Variants in MAP4 observed in about 807,000 individuals in gnomAD.
The protein encoded by MAP4 is microtubule associated protein 4, also known as microtubule-associated protein 4.
In MAP4, 76 loss-of-function variants were observed where a neutral mutation model predicts 170.2. That is an observed-to-expected ratio of 0.45 (90% CI 0.37 to 0.54). MAP4 has a LOEUF of 0.54. MAP4 is among the 20% of genes least tolerant of loss of function. The pLI, the probability that MAP4 is intolerant of heterozygous loss-of-function variation, is 0.00. For missense variants in MAP4, 2,506 were observed against 2,748.0 expected, an observed-to-expected ratio of 0.91 and a Z score of 1.97; for synonymous variants, 909 against 994.5, an observed-to-expected ratio of 0.91 and a Z score of 1.62.
intron 3 of MAP4, among the ~76,000 whole-genome samples, chr3:47,968,592 G>A (rs770696703): frequency 1.3e-5 from 2 of 152,030 alleles, no homozygotes; most frequent in Non-Finnish European, 2.9e-5. Flanking sequence ...TAAAACAGTG[G>A]TAAGAGGGAA....
intron 3 of MAP4, among the ~76,000 whole-genome samples, chr3:47,963,576 T>C (rs2100072989): frequency 6.6e-6 from 1 of 152,174 alleles, no homozygotes. Context: ...ATTATTACGA[T>C]TGTATCTGGT....
rs972533672 is a variant in MAP4 at position 48,075,269 on chromosome 3, A to G, written c.-20+13504T>C. Among the ~76,000 whole-genome samples, 5 of 152,176 alleles carry G rather than the reference A, an allele frequency of 3.3e-5. No individual in the cohort carries two copies. The South Asian group carries it at 8.3e-4, about 25-fold the overall frequency. On this transcript the variant is annotated intron_variant, in intron 1 of 18. Transcript: ENST00000360240. Reference sequence around the variant, plus strand: ...GCCGGGCACGGTGGCTCACACCTGTAATCCCAGAACTTTGGGAGGCCGAGT... The same window carrying G: ...GCCGGGCACGGTGGCTCACACCTGTGATCCCAGAACTTTGGGAGGCCGAGT...
intron 1 of MAP4, among the ~76,000 whole-genome samples, chr3:48,007,491 G>C (rs1162268768): frequency 6.6e-6 from 1 of 152,178 alleles, no homozygotes; most frequent in African/African-American, 2.4e-5. Context: ...AACAGGTCCA[G>C]GCTGCTGTGC....
intron 3 of MAP4, among the ~76,000 whole-genome samples, chr3:47,971,032 T>A (rs1311044405): frequency 3.9e-5 from 6 of 152,224 alleles, no homozygotes; most frequent in African/African-American, 1.4e-4. Flanking sequence ...ACATCTTGTA[T>A]ATGGGTATAT....
At chr3:47,964,807 T>C (rs1009938767) in intron 3 of MAP4, among the ~76,000 whole-genome samples, 4 of 152,248 alleles carry the variant, frequency 2.6e-5, no homozygotes, top group Non-Finnish European at 5.9e-5. Flanking sequence ...AGATCTGTGA[T>C]ATGATGGTTA....
At chr3:47,941,751 C>A (rs2100056607) in intron 3 of MAP4, among the ~76,000 whole-genome samples, 1 of 145,962 alleles carries the variant, frequency 6.9e-6, no homozygotes, top group Non-Finnish European at 1.5e-5. Flanking sequence ...CGTGCCATTG[C>A]ACTCCAGCCT....
chr3:47,935,875 G>A (rs192200856), intron 3 of MAP4, among the ~76,000 whole-genome samples: 58 of 147,234 alleles, frequency 3.9e-4, no homozygotes, highest in African/African-American at 1.5e-3. Flanking sequence ...GGAGGCAGAG[G>A]CTGCAGTGAG....
intron 1 of MAP4, among the ~76,000 whole-genome samples, chr3:48,045,852 C>A (rs113399457): frequency 1.2e-4 from 18 of 152,172 alleles, no homozygotes; most frequent in Non-Finnish European, 1.5e-5. Context: ...CAATAGACAT[C>A]TTTTCTATGC....
intron 1 of MAP4, among the ~76,000 whole-genome samples, chr3:48,007,468 G>A (rs1399290366): frequency 1.3e-5 from 2 of 152,308 alleles, no homozygotes; most frequent in African/African-American, 4.8e-5. Context: ...TCCAGAACAG[G>A]AGAAGGCTCT....
At chr3:47,856,577 C>G (rs1412599353) in intron 18 of MAP4, among the ~76,000 whole-genome samples, 2 of 152,112 alleles carry the variant, frequency 1.3e-5, no homozygotes, top group Non-Finnish European at 2.9e-5. Flanking sequence ...AAGGCATGCA[C>G]CACCACACCT....
chr3:47,878,847 A>ATT (rs3079391), intron 10 of MAP4, among the ~76,000 whole-genome samples: 58,393 of 151,978 alleles, frequency 0.38, 12,560 homozygotes, highest in African/African-American at 0.59. Flanking sequence ...CTGAAATGCC[A>ATT]TTAATATTAA....
chr3:47,940,245 C>T (rs62260762), intron 3 of MAP4, among the ~76,000 whole-genome samples: 6,832 of 152,158 alleles, frequency 0.045, 222 homozygotes, highest in Non-Finnish European at 0.069. Flanking sequence ...ACCAGTCCCC[C>T]GCCACCATTA....
At chr3:48,077,506 T>A (rs1185986729) in intron 1 of MAP4, among the ~76,000 whole-genome samples, 1 of 151,650 alleles carries the variant, frequency 6.6e-6, no homozygotes, top group Admixed American at 6.6e-5. Context: ...GTTTTAATTT[T>A]TTTTTTTTTA....
chr3:47,945,498 T>G (rs1384624507), intron 3 of MAP4, among the ~76,000 whole-genome samples: 1 of 152,040 alleles, frequency 6.6e-6, no homozygotes, highest in Non-Finnish European at 1.5e-5. Flanking sequence ...ACCATGTATC[T>G]GGCCTGATAC....
chr3:47,939,293 A>G (rs1325301998), intron 3 of MAP4, among the ~76,000 whole-genome samples: 3 of 152,014 alleles, frequency 2.0e-5, no homozygotes, highest in Admixed American at 1.3e-4. Context: ...AAAAATTAAA[A>G]AGCCTTTAAG....
At chr3:47,952,447 G>C (rs2100064954) in intron 3 of MAP4, among the ~76,000 whole-genome samples, 1 of 152,016 alleles carries the variant, frequency 6.6e-6, no homozygotes, top group African/African-American at 2.4e-5. Flanking sequence ...GAATAGAAAA[G>C]GGGGAAAGGT....
At chr3:48,028,252 A>C (rs1364482639) in intron 1 of MAP4, among the ~76,000 whole-genome samples, 1 of 152,128 alleles carries the variant, frequency 6.6e-6, no homozygotes, top group Non-Finnish European at 1.5e-5. Flanking sequence ...AAATCGCACC[A>C]CTGTACTCTA....
intron 10 of MAP4, among the ~76,000 whole-genome samples, chr3:47,896,372 A>C (rs1470574434): frequency 6.6e-6 from 1 of 151,966 alleles, no homozygotes; most frequent in Non-Finnish European, 1.5e-5. Context: ...TCTACTAAAA[A>C]TACAAAATTA....
At chr3:47,875,204 T>C (rs553824241) in intron 12 of MAP4, among the ~76,000 whole-genome samples, 7 of 152,246 alleles carry the variant, frequency 4.6e-5, no homozygotes, top group Non-Finnish European at 8.8e-5. Flanking sequence ...ATAAAACTTC[T>C]GCAGGATGAT....
Sources: allele counts gnomAD v4.1 joint callset (sites outside exome capture counted in the v4.1 genomes callset), GRCh38; gene constraint gnomAD v4.1.1; transcripts MANE v1.5; gene names NCBI Gene and HGNC (gene_info 2026-07-23, HGNC 2026-07-21).